The following RABGAP1L variants were observed in gnomAD, a reference collection of about 807,000 sequenced individuals.
RABGAP1L encodes the protein RAB GTPase activating protein 1 like, also known as rab GTPase-activating protein 1-like.
A neutral mutation model predicts 137.7 loss-of-function variants in RABGAP1L; 63 were observed. The observed-to-expected ratio is 0.46, with a 90% CI of 0.37 to 0.56. RABGAP1L has a LOEUF of 0.56. RABGAP1L is among the 20% of genes least tolerant of loss of function. The pLI, the probability that RABGAP1L is intolerant of heterozygous loss-of-function variation, is 0.00. For synonymous variants in RABGAP1L, 431 were observed against 433.7 expected (o/e 0.99, Z 0.08); for missense variants, 1,095 against 1,244.0 (o/e 0.88, Z 1.80).
At chr1:174,370,338 T>A (rs1196579564) in intron 11 of RABGAP1L, among the ~76,000 whole-genome samples, 1 of 152,082 alleles carries the variant, frequency 6.6e-6, no homozygotes, top group Non-Finnish European at 1.5e-5. Flanking sequence ...TTGGTCGTTT[T>A]CACCACCGAT....
chr1:174,718,436 T>C (rs1681200626), intron 17 of RABGAP1L, among the ~76,000 whole-genome samples: 1 of 152,168 alleles, frequency 6.6e-6, no homozygotes, highest in Non-Finnish European at 1.5e-5. Flanking sequence ...CCTTCTATTA[T>C]CCTGGGTCAA....
intron 19 of RABGAP1L, among the ~76,000 whole-genome samples, chr1:174,893,439 A>C (rs568474956): frequency 5.8e-4 from 88 of 152,330 alleles, no homozygotes; most frequent in Non-Finnish European, 9.3e-4. Flanking sequence ...GTGGTTTCCA[A>C]AGACAATCAC....
intron 1 of RABGAP1L, among the ~76,000 whole-genome samples, chr1:174,175,144 C>A (rs1180688321): frequency 9.6e-5 from 10 of 104,132 alleles, no homozygotes; most frequent in Admixed American, 8.4e-4. Context: ...ATTTAATTTT[C>A]TTGTATATGA....
chr1:174,917,636 A>G (rs1241679765), intron 19 of RABGAP1L, among the ~76,000 whole-genome samples: 1 of 152,190 alleles, frequency 6.6e-6, no homozygotes, highest in East Asian at 1.9e-4. Context: ...CTTCACTTCA[A>G]AAAATATGTA....
intron 13 of RABGAP1L, among the ~76,000 whole-genome samples, chr1:174,429,696 GC>G (rs1652369168): frequency 6.6e-6 from 1 of 151,596 alleles, no homozygotes; most frequent in Non-Finnish European, 1.5e-5. Context: ...CCGAGATTGT[GC>G]CATTGCACTC....
chr1:174,637,615 C>A, intron 14 of RABGAP1L, 127 bp downstream of exon 14: 1 of 690,124 alleles, frequency 1.4e-6, no homozygotes, highest in Non-Finnish European at 2.5e-6. Context: ...GCTTTGCACA[C>A]ACGCTATGAG....
intron 1 of RABGAP1L, among the ~76,000 whole-genome samples, chr1:174,188,826 A>G (rs1043795199): frequency 6.6e-6 from 1 of 152,216 alleles, no homozygotes; most frequent in Non-Finnish European, 1.5e-5. Flanking sequence ...TTTATACAGC[A>G]CAGGCAGAGT....
At chr1:174,500,410 A>G (rs1468426843) in intron 13 of RABGAP1L, among the ~76,000 whole-genome samples, 2 of 152,100 alleles carry the variant, frequency 1.3e-5, no homozygotes, top group African/African-American at 4.8e-5. Flanking sequence ...AACGCTGTTC[A>G]TTGTACCACA....
chr1:174,746,074 C>T (rs1683837217), intron 17 of RABGAP1L, among the ~76,000 whole-genome samples: 1 of 152,212 alleles, frequency 6.6e-6, no homozygotes, highest in South Asian at 2.1e-4. Context: ...TTGACAGCTT[C>T]TCACACAATC....
At chr1:174,620,738 A>G (rs1440662142) in intron 13 of RABGAP1L, among the ~76,000 whole-genome samples, 1 of 152,202 alleles carries the variant, frequency 6.6e-6, no homozygotes, top group Admixed American at 6.5e-5. Flanking sequence ...GAGAAGCAAG[A>G]TGAAACACAT....
At chr1:174,204,022 G>T (rs181016305) in intron 1 of RABGAP1L, among the ~76,000 whole-genome samples, 15 of 151,774 alleles carry the variant, frequency 9.9e-5, no homozygotes, top group Admixed American at 8.5e-4. Context: ...CACAATCTCG[G>T]CTCACTGCAA....
intron 13 of RABGAP1L, among the ~76,000 whole-genome samples, chr1:174,550,770 A>G (rs1666370305): frequency 1.3e-5 from 2 of 148,462 alleles, no homozygotes; most frequent in African/African-American, 2.5e-5. Flanking sequence ...CTGTAATCCC[A>G]GCACTTTGGG....
At chr1:174,952,339 C>CAAAAAAAAAAAAA (rs59406597) in intron 19 of RABGAP1L, among the ~76,000 whole-genome samples, 1 of 31,724 alleles carries the variant, frequency 3.2e-5, no homozygotes, top group African/African-American at 1.5e-4. Flanking sequence ...CTGGCTCTAC[C>CAAAAAAAAAAAAA]AAAAAAAAAA....
At chr1:174,850,047 T>C (rs746945448) in intron 19 of RABGAP1L, 18 of 567,024 alleles carry the variant, frequency 3.2e-5, no homozygotes, top group Non-Finnish European at 5.5e-5. Flanking sequence ...AATCTGCTCT[T>C]GCAGGAGGCT....
At chr1:174,771,210 C>G (rs1342757195) in intron 18 of RABGAP1L, among the ~76,000 whole-genome samples, 3 of 152,132 alleles carry the variant, frequency 2.0e-5, no homozygotes, top group African/African-American at 4.8e-5. Flanking sequence ...TTTCTGCCAT[C>G]AATTTATTGT....
rs79488546 is a variant in RABGAP1L at position 174,743,119 on chromosome 1, G to A, written c.2170-9194G>A. Among the ~76,000 whole-genome samples, 277 of 152,272 alleles carry A rather than the reference G, an allele frequency of 1.8e-3. 3 individuals carry two copies. The East Asian group carries it at 0.041, about 23-fold the overall frequency. Reference sequence around the variant, plus strand: ...AAGGCTTTAATTGGGGGCTGCAGCAGACGAGATGAGATGGGAGCTCAGTCT... The same window carrying A: ...AAGGCTTTAATTGGGGGCTGCAGCAAACGAGATGAGATGGGAGCTCAGTCT... On this transcript the variant is annotated intron_variant, in intron 17 of 25. Transcript: ENST00000681986.
At chr1:174,482,312 G>A (rs911976848) in intron 13 of RABGAP1L, among the ~76,000 whole-genome samples, 1 of 152,128 alleles carries the variant, frequency 6.6e-6, no homozygotes, top group Non-Finnish European at 1.5e-5. Context: ...AAAATTCAGA[G>A]ACAAAGGGAT....
intron 14 of RABGAP1L, among the ~76,000 whole-genome samples, chr1:174,664,730 C>CCTTTTTTTTTTTTT (rs1676631923): frequency 2.0e-5 from 2 of 98,914 alleles, no homozygotes; most frequent in African/African-American, 1.3e-4. Flanking sequence ...TTTCTTTCTG[C>CCTTTTTTTTTTTTT]TTTCTTTTTT....
At chr1:174,202,580 A>C (rs995078129) in intron 1 of RABGAP1L, among the ~76,000 whole-genome samples, 8 of 151,450 alleles carry the variant, frequency 5.3e-5, no homozygotes, top group Non-Finnish European at 1.0e-4. Flanking sequence ...GGTTGCAAAA[A>C]TTTTCTCCCA....
Sources: gnomAD v4.1 joint callset for allele counts (sites outside exome capture counted in the v4.1 genomes callset) on GRCh38, gnomAD v4.1.1 for gene constraint, MANE v1.5 for transcripts, NCBI Gene and HGNC (gene_info 2026-07-23, HGNC 2026-07-21) for gene names.